The following NOS1 variants were observed in gnomAD, a reference collection of about 807,000 sequenced individuals.
The protein encoded by NOS1 is NOS type I.
A neutral mutation model predicts 164.5 loss-of-function variants in NOS1; 51 were observed. The ratio of observed to expected loss-of-function variants is 0.31; its 90% confidence interval spans 0.25 to 0.39. NOS1 has a LOEUF of 0.39. Among genes scored for constraint, NOS1 ranks in the 10% least tolerant of loss-of-function variants. The pLI, the probability that NOS1 is intolerant of heterozygous loss-of-function variation, is 1.00. For synonymous variants in NOS1, 719 were observed against 745.8 expected (o/e 0.96, Z 0.59); for missense variants, 1,362 against 1,885.6 (o/e 0.72, Z 5.14).
chr12:117,274,769 C>CAA (rs71099039), intron 9 of NOS1, among the ~76,000 whole-genome samples: 1,583 of 76,892 alleles, frequency 0.021, 90 homozygotes, highest in African/African-American at 0.048. Context: ...CTCCGTCTCA[C>CAA]AAAAAAAAAA....
intron 20 of NOS1, among the ~76,000 whole-genome samples, chr12:117,240,208 T>C (rs1479961103): frequency 6.6e-6 from 1 of 152,200 alleles, no homozygotes; most frequent in African/African-American, 2.4e-5. Flanking sequence ...ATGGAGCCCC[T>C]CTCTGCATCA....
intron 4 of NOS1, 124 bp downstream of exon 4, chr12:117,290,174 G>A: frequency 4.2e-6 from 5 of 1,186,522 alleles, no homozygotes; most frequent in Non-Finnish European, 6.0e-6. Context: ...GGGGGTATGG[G>A]TCAGGGGTGG....
In NOS1 at chr12:117,288,104, A is replaced by G; in HGVS notation, c.1097T>C (p.Phe366Ser). 6.2e-7 allele frequency: 1 copy of G among 1,614,234 alleles called. No individual in the cohort carries two copies. Among genetic ancestry groups the G allele is most frequent in the Non-Finnish European group, 8.5e-7 (1 of 1,180,050 alleles). Residue 366 changes from phenylalanine to serine, a missense_variant, in exon 5 of 29, where the codon TTT becomes TCT. This residue lies in a region of NOS1 where 129 missense variants were observed against 186.0 expected (regional missense o/e 0.69). Coordinates refer to ENST00000317775, the MANE Select transcript of NOS1 (RefSeq NM_000620.5). Reference sequence around the variant, plus strand: ...AATTGATGAATAGTATTGATCAATAAACTCTTTGGCGAGAGGGAAGAGCTG... The same window carrying G: ...AATTGATGAATAGTATTGATCAATAGACTCTTTGGCGAGAGGGAAGAGCTG... ...KGQLFPLAKE[F>S]IDQYYSSIKR...
chr12:117,264,905 T>C (rs1231800888), intron 12 of NOS1, among the ~76,000 whole-genome samples: 1 of 151,884 alleles, frequency 6.6e-6, no homozygotes, highest in African/African-American at 2.4e-5. Flanking sequence ...GGTTTCGCCA[T>C]GTTGGCCAGG....
At chr12:117,301,799 T>C (rs1873830655) in intron 3 of NOS1, among the ~76,000 whole-genome samples, 1 of 152,176 alleles carries the variant, frequency 6.6e-6, no homozygotes, top group Non-Finnish European at 1.5e-5. Context: ...CAATGGGTGG[T>C]CACTTTGGGC....
intron 6 of NOS1, among the ~76,000 whole-genome samples, chr12:117,285,808 A>G (rs884847): frequency 0.82 from 125,091 of 152,146 alleles, 51,515 homozygotes; most frequent in African/African-American, 0.87. Context: ...GGCTAAGTAG[A>G]TGCAAGACAA....
At chr12:117,237,391 A>G (rs1183591551) in intron 20 of NOS1, among the ~76,000 whole-genome samples, 3 of 151,996 alleles carry the variant, frequency 2.0e-5, no homozygotes, top group Admixed American at 1.3e-4. Flanking sequence ...TCAACCTCCC[A>G]AAGTGCTAGG....
intron 1 of NOS1, among the ~76,000 whole-genome samples, chr12:117,346,709 G>A (rs1356952607): frequency 6.6e-6 from 1 of 152,138 alleles, no homozygotes; most frequent in Non-Finnish European, 1.5e-5. Context: ...TCCCCCAGTG[G>A]ATTTATGTGC....
At chr12:117,359,191 G>A (rs1324556627) in intron 1 of NOS1, among the ~76,000 whole-genome samples, 1 of 151,226 alleles carries the variant, frequency 6.6e-6, no homozygotes, top group Admixed American at 6.6e-5. Context: ...TAGTGGAAAG[G>A]GGCCGGGGCC....
At chr12:117,333,303 T>A (rs1593030399) in intron 1 of NOS1, among the ~76,000 whole-genome samples, 1 of 152,186 alleles carries the variant, frequency 6.6e-6, no homozygotes, top group Non-Finnish European at 1.5e-5. Context: ...TCCATCTCTG[T>A]CCCAAAGCCC....
chr12:117,219,582 T>C (rs999822795), intron 27 of NOS1, among the ~76,000 whole-genome samples: 5 of 152,060 alleles, frequency 3.3e-5, no homozygotes, highest in African/African-American at 1.2e-4. Context: ...GCTGGAATTA[T>C]AGGCGTGAGC....
At position 117,316,965 on chromosome 12, in the gene NOS1, C is replaced by T. The variant is rs184232295; in HGVS notation, c.726-5373G>A. 1.8e-4 allele frequency among the ~76,000 whole-genome samples: 28 copies of T among 152,270 alleles called. 1 individual carries two copies. The highest frequency in any genetic ancestry group is 1.6e-3 in the Admixed American group (25 of 15,300). ...GCACGATCTCAGCTTACTGTGACCTCCGCCTCCTGGGTTCAAGCAATTCTC... is the reference window on the plus strand; with the variant it reads ...GCACGATCTCAGCTTACTGTGACCTTCGCCTCCTGGGTTCAAGCAATTCTC... On this transcript the variant is annotated intron_variant, in intron 2 of 28. Transcript: ENST00000317775.
At chr12:117,269,465 T>G (rs1225079402) in intron 10 of NOS1, among the ~76,000 whole-genome samples, 1 of 82,566 alleles carries the variant, frequency 1.2e-5, no homozygotes, top group Admixed American at 1.0e-4. Flanking sequence ...TGGAGATTTG[T>G]TTTTTTTTTT....
At chr12:117,275,184 A>T (rs976709773) in intron 9 of NOS1, among the ~76,000 whole-genome samples, 1 of 152,018 alleles carries the variant, frequency 6.6e-6, no homozygotes, top group Non-Finnish European at 1.5e-5. Flanking sequence ...TCTACCCACA[A>T]AAATTAAAAG....
rs553330981 is a variant in NOS1, at chr12:117,241,799, G to A, written c.3041+828C>T. On this transcript the variant is annotated intron_variant, in intron 20 of 28. Transcript: ENST00000317775. ...CTGCGATCTCAGGCAGCATTAGCGCGTCCTGTTCAAATTGGTGATGGTAAT... is the reference window on the plus strand; with the variant it reads ...CTGCGATCTCAGGCAGCATTAGCGCATCCTGTTCAAATTGGTGATGGTAAT... Among the ~76,000 whole-genome samples, 24 of 152,310 alleles carry A rather than the reference G, an allele frequency of 1.6e-4. No individual in the cohort carries two copies. The South Asian group carries it at 5.0e-3, about 32-fold the overall frequency.
chr12:117,232,639 A>G (rs1348505439), intron 21 of NOS1, among the ~76,000 whole-genome samples: 1 of 149,782 alleles, frequency 6.7e-6, no homozygotes, highest in Admixed American at 6.6e-5. Flanking sequence ...AAATAGAAGC[A>G]TGGAGAGGTT....
At chr12:117,264,496 CTT>C (rs1367440514) in intron 12 of NOS1, among the ~76,000 whole-genome samples, 3 of 149,332 alleles carry the variant, frequency 2.0e-5, no homozygotes, top group African/African-American at 7.6e-5. Flanking sequence ...CTTTCTCTTT[CTT>C]TCTCTCTCTC....
rs1956591920 is a variant in NOS1, at chr12:117,215,442, T to TC, written c.4290-119_4290-118insG. Reference sequence around the variant, plus strand: ...GCTCAGGGGCTTTGTCTCTTTCTTTTTTTTTTTTTTTTGAGACGGAGTTTC... The same window carrying TC: ...GCTCAGGGGCTTTGTCTCTTTCTTTTCTTTTTTTTTTTTGAGACGGAGTTTC... On this transcript the variant is annotated intron_variant, in intron 28 of 28. Transcript: ENST00000317775. 5 of 1,207,828 alleles carry TC rather than the reference T, an allele frequency of 4.1e-6. No homozygotes were observed. The African/African-American group carries it at 7.8e-5, about 19-fold the overall frequency. 74.8% of individuals were successfully genotyped at this position (1,207,828 alleles called of 1,614,324 possible).
chr12:117,290,405 A>G lies in NOS1; in HGVS notation c.874T>C (p.Ser292Pro), dbSNP rs1592993993. ...GAGGGGCTGCCATTCTTTGTGGGGG[A>G]CTGTTTTCCTGAGGTGGGGGGCTGC... Reference protein sequence around the residue: ...KEQPPTSGKQSPTKNGSPSKC... With the variant: ...KEQPPTSGKQPPTKNGSPSKC... Residue 292 changes from serine (S) to proline (P), a missense_variant, in exon 4 of 29, where the codon TCC (serine) becomes CCC (proline). Physicochemically the swap from Ser to Pro is moderately conservative, Grantham distance 74. Coordinates refer to ENST00000317775, the MANE Select transcript of NOS1 (RefSeq NM_000620.5). 1.2e-6 allele frequency: 2 copies of G among 1,612,724 alleles called. No individual in the cohort carries two copies.
Sources: gnomAD v4.1 joint callset for allele counts (sites outside exome capture counted in the v4.1 genomes callset) on GRCh38, gnomAD v4.1.1 for gene constraint, gnomAD v4.1.1 regional missense constraint, MANE v1.5 for transcripts, NCBI Gene and HGNC (gene_info 2026-07-23, HGNC 2026-07-21) for gene names.